Variants in AKAP13 observed in about 807,000 individuals in gnomAD.
AKAP13 encodes the protein A-kinase anchoring protein 13.
Under a neutral mutation model 264.5 loss-of-function variants are expected in AKAP13, and 80 were observed. The ratio of observed to expected loss-of-function variants is 0.30; its 90% CI spans 0.25 to 0.36. The LOEUF (loss-of-function observed/expected upper bound fraction) is 0.36. Among genes scored for constraint, AKAP13 ranks in the 10% least tolerant of loss-of-function variants. The pLI, the probability that AKAP13 is intolerant of heterozygous loss-of-function variation, is 1.00. For missense variants in AKAP13, 3,712 were observed against 3,435.2 expected (o/e 1.08, Z -2.01); for synonymous variants, 1,380 against 1,250.2 (o/e 1.10, Z -2.19).
At chr15:85,492,368 C>T (rs574464099) in intron 2 of AKAP13, among the ~76,000 whole-genome samples, 5 of 152,228 alleles carry the variant, frequency 3.3e-5, no homozygotes, top group South Asian at 2.1e-4. Flanking sequence ...GGCTACAGAG[C>T]GAGACCCCAT....
chr15:85,382,699 A>G lies in AKAP13; in HGVS notation c.-12+1901A>G, dbSNP rs371402896. ...ACTAAATGGTAACTGCACACATACT[A>G]TACTATAAATGGACTCCTCCTCTAG... is the stretch of plus-strand genomic sequence containing the variant. On this transcript the variant is annotated intron_variant, in intron 1 of 36. Transcript: ENST00000394518. 1.4e-4 allele frequency among the ~76,000 whole-genome samples: 22 copies of G among 152,342 alleles called. No homozygotes were observed. In the East Asian group the frequency reaches 3.7e-3, roughly 25 times the overall value.
chr15:85,454,871 A>G (rs1181438782), intron 1 of AKAP13, among the ~76,000 whole-genome samples: 3 of 152,208 alleles, frequency 2.0e-5, no homozygotes, highest in Non-Finnish European at 4.4e-5. Flanking sequence ...GTCTCTTAAC[A>G]GGCAGCAAGA....
At chr15:85,627,950 C>T (rs1214567229) in intron 8 of AKAP13, among the ~76,000 whole-genome samples, 3 of 152,194 alleles carry the variant, frequency 2.0e-5, no homozygotes, top group East Asian at 1.9e-4. Flanking sequence ...TTAAAGCCTA[C>T]CTCATATACC....
intron 14 of AKAP13, among the ~76,000 whole-genome samples, chr15:85,676,148 T>A (rs1173360412): frequency 1.3e-5 from 2 of 152,142 alleles, no homozygotes; most frequent in Non-Finnish European, 2.9e-5. Flanking sequence ...CCTGACCTCA[T>A]GATTTGCCCA....
At chr15:85,486,234 C>T (rs904118844) in intron 2 of AKAP13, among the ~76,000 whole-genome samples, 2 of 151,508 alleles carry the variant, frequency 1.3e-5, no homozygotes, top group East Asian at 3.9e-4. Context: ...TTTCTTGATG[C>T]TATCCTTTCA....
At chr15:85,652,487 G>A (rs1473405806) in intron 10 of AKAP13, among the ~76,000 whole-genome samples, 1 of 152,188 alleles carries the variant, frequency 6.6e-6, no homozygotes, top group African/African-American at 2.4e-5. Context: ...GTGTGTTTTA[G>A]AACAGGCTTG....
At chr15:85,582,171 T>A in intron 7 of AKAP13, 64 bp downstream of exon 7, 9 of 1,486,954 alleles carry the variant, frequency 6.1e-6, no homozygotes, top group Non-Finnish European at 8.0e-6. Flanking sequence ...GTCACTGTGG[T>A]GTCCTGGTAA....
Position 85,719,277 on chromosome 15 carries a change from G to A in AKAP13, c.6203G>A (p.Ser2068Asn). 1 of 1,614,158 alleles carries A rather than the reference G, an allele frequency of 6.2e-7. No homozygotes were observed. Among genetic ancestry groups the A allele is most frequent in the Admixed American group, 1.7e-5 (1 of 60,024 alleles). Residue 2068 changes from serine (S) to asparagine (N), a missense_variant, in exon 23 of 37, where the codon AGT (serine) becomes AAT (asparagine). By Grantham distance (46) the Ser-to-Asn change is conservative. This residue lies in a region of AKAP13 where 342 missense variants were observed against 484.3 expected (regional missense o/e 0.71). Transcript: ENST00000394518. ...ERKKESLVDK[S>N]EKNFLIKRIG... The stretch of plus-strand genomic sequence containing the variant: ...AAGAAGGAGTCTCTGGTGGATAAAA[G>A]TGAAAAGAACTTTCTCATCAAGAGG...
At chr15:85,467,543 T>C (rs867565060) in intron 1 of AKAP13, among the ~76,000 whole-genome samples, 1 of 152,154 alleles carries the variant, frequency 6.6e-6, no homozygotes, top group Admixed American at 6.6e-5. Flanking sequence ...TTCTTTCAAC[T>C]TCTGAGATTG....
chr15:85,619,451 A>G (rs753833273), intron 8 of AKAP13: 53 of 985,374 alleles, frequency 5.4e-5, no homozygotes, highest in Non-Finnish European at 6.1e-5. Flanking sequence ...ACCAAGCCCT[A>G]CTGCCTGGTG....
At chr15:85,452,742 A>G (rs945384741) in intron 1 of AKAP13, among the ~76,000 whole-genome samples, 3 of 152,110 alleles carry the variant, frequency 2.0e-5, no homozygotes, top group Admixed American at 6.5e-5. Flanking sequence ...TGGCTCCCCT[A>G]TGTTTCCTCA....
chr15:85,698,970 A>G (rs2859562), intron 17 of AKAP13, among the ~76,000 whole-genome samples: 2 of 135,358 alleles, frequency 1.5e-5, no homozygotes, highest in African/African-American at 5.6e-5. Context: ...AAAAAAAAAA[A>G]TTTACAAATA....
At chr15:85,631,606 A>T (rs1244004108) in intron 8 of AKAP13, among the ~76,000 whole-genome samples, 1 of 151,842 alleles carries the variant, frequency 6.6e-6, no homozygotes, top group African/African-American at 2.4e-5. Context: ...GAGAACACTA[A>T]TGGGAAAACA....
At chr15:85,669,618 C>T in intron 13 of AKAP13, 104 bp from the exon 14 acceptor site, 1 of 809,726 alleles carries the variant, frequency 1.2e-6, no homozygotes, top group South Asian at 1.8e-5. Context: ...CCCGCTTCTT[C>T]ACTGCCTTAT....
chr15:85,433,117 G>GTTTTTTTTTTTTTTTTTTTTTTTTTTT (rs199655190), intron 1 of AKAP13, among the ~76,000 whole-genome samples: 1 of 53,230 alleles, frequency 1.9e-5, no homozygotes, highest in African/African-American at 7.9e-5. Flanking sequence ...CTTCTGTACA[G>GTTTTTTTTTTTTTTTTTTTTTTTTTTT]TTTTTTTTTT....
Position 85,693,328 on chromosome 15 carries a change from G to C in AKAP13, c.5341G>C (p.Asp1781His), listed in dbSNP as rs1299731219. ...KIKEKEKDSKDKEKDKKTVNG... is the reference protein window; with the variant it reads ...KIKEKEKDSKHKEKDKKTVNG... ...TAAGGAGAAGGAGAAAGATTCTAAA[G>C]ACAAGGAGAAAGATAAGAAGACTGT... The change falls in exon 17 of 37, where the codon GAC (aspartate) becomes CAC (histidine). Residue 1781 changes from aspartate to histidine, a missense_variant. Coordinates refer to ENST00000394518, the MANE Select transcript of AKAP13 (RefSeq NM_007200.5). The C allele has an allele frequency of 6.2e-7, 1 of 1,611,218 alleles. No homozygotes were observed. Among genetic ancestry groups the C allele is most frequent in the Non-Finnish European group, 8.5e-7 (1 of 1,179,374 alleles).
intron 9 of AKAP13, among the ~76,000 whole-genome samples, chr15:85,641,825 C>T (rs2082322828): frequency 6.6e-6 from 1 of 152,092 alleles, no homozygotes; most frequent in African/African-American, 2.4e-5. Context: ...TTTGTATACT[C>T]TTCAATAATG....
intron 7 of AKAP13, among the ~76,000 whole-genome samples, chr15:85,585,209 T>C (rs2079290473): frequency 1.3e-5 from 2 of 152,210 alleles, no homozygotes; most frequent in South Asian, 4.1e-4. Context: ...CAGTGATGGG[T>C]GGATCAGAGT....
intron 8 of AKAP13, among the ~76,000 whole-genome samples, chr15:85,633,898 G>C (rs2081969217): frequency 6.6e-6 from 1 of 152,034 alleles, no homozygotes; most frequent in Admixed American, 6.6e-5. Flanking sequence ...GATGTGGATA[G>C]GGTGTTGGTA....
Sources: allele counts gnomAD v4.1 joint callset (sites outside exome capture counted in the v4.1 genomes callset), GRCh38; gene constraint gnomAD v4.1.1; regional missense constraint gnomAD v4.1.1; transcripts MANE v1.5; gene names NCBI Gene and HGNC (gene_info 2026-07-23, HGNC 2026-07-21).